TNRC6B: variants seen among roughly 807,000 people sequenced by gnomAD.
TNRC6B encodes the protein trinucleotide repeat containing adaptor 6B.
TNRC6B carries 52 observed loss-of-function variants against 203.6 expected under a neutral mutation model. The ratio of observed to expected loss-of-function variants is 0.26; its 90% CI spans 0.20 to 0.32. The LOEUF (loss-of-function observed/expected upper bound fraction) is 0.32, where lower values mean the gene tolerates loss of function less well. Among genes scored for constraint, TNRC6B ranks in the 10% least tolerant of loss-of-function variants. The pLI is 1.00. For synonymous variants in TNRC6B, 838 were observed against 845.7 expected (o/e 0.99, Z 0.16); for missense variants, 1,923 against 2,286.2 (o/e 0.84, Z 3.24).
intron 21 of TNRC6B, among the ~76,000 whole-genome samples, chr22:40,316,825 T>G (rs555148942): frequency 6.6e-6 from 1 of 152,270 alleles, no homozygotes; most frequent in South Asian, 2.1e-4. Flanking sequence ...ACATACAGTT[T>G]ACAAAAGTGA....
At chr22:40,152,396 G>A (rs1396368649) in intron 3 of TNRC6B, among the ~76,000 whole-genome samples, 2 of 152,148 alleles carry the variant, frequency 1.3e-5, no homozygotes, top group Non-Finnish European at 2.9e-5. Flanking sequence ...GCACGATCTC[G>A]GCTCACTGCA....
At chr22:40,194,637 T>C (rs745857723) in intron 1 of TNRC6B, among the ~76,000 whole-genome samples, 11 of 152,198 alleles carry the variant, frequency 7.2e-5, no homozygotes, top group Non-Finnish European at 1.2e-4. Context: ...TTGCACATGC[T>C]TGAATGTCCT....
At chr22:40,220,101 G>A (rs758632294) in intron 1 of TNRC6B, among the ~76,000 whole-genome samples, 35 of 152,210 alleles carry the variant, frequency 2.3e-4, no homozygotes, top group Non-Finnish European at 4.7e-4. Flanking sequence ...AATCGCTGCG[G>A]TAGTAGGTGG....
chr22:40,321,890 G>A (rs534120875), intron 22 of TNRC6B: 3 of 152,432 alleles, frequency 2.0e-5, no homozygotes, highest in Admixed American at 6.5e-5. Context: ...TTGTGGTCTT[G>A]GGGGGTAGCA....
Position 40,239,308 on chromosome 22 carries a change from C to A in TNRC6B, c.6-6707C>A, listed in dbSNP as rs151042390. Among the ~76,000 whole-genome samples, 21 of 152,334 alleles carry A rather than the reference C, an allele frequency of 1.4e-4. No homozygotes were observed. The East Asian group carries it at 3.9e-3, about 28-fold the overall frequency. On this transcript the variant is annotated intron_variant, in intron 1 of 22. Coordinates refer to ENST00000454349, the MANE Select transcript of TNRC6B (RefSeq NM_001162501.2). Reference sequence around the variant, plus strand: ...TAGAAGAGAGCCAAGTCAGTCTGTGCCTTCCGGTCTGTGCCTGTTACCACC... The same window carrying A: ...TAGAAGAGAGCCAAGTCAGTCTGTGACTTCCGGTCTGTGCCTGTTACCACC...
chr22:40,151,212 A>G (rs2068749572), intron 3 of TNRC6B, among the ~76,000 whole-genome samples: 1 of 151,566 alleles, frequency 6.6e-6, no homozygotes, highest in South Asian at 2.1e-4. Context: ...TGGAAGTTGC[A>G]GTGAGCCGAG....
chr22:40,231,765 A>T (rs990876766), intron 1 of TNRC6B, among the ~76,000 whole-genome samples: 3 of 152,182 alleles, frequency 2.0e-5, no homozygotes, highest in Admixed American at 1.3e-4. Flanking sequence ...TTGTTGATGA[A>T]ATTAGAGTGC....
Position 40,264,762 on chromosome 22 carries a change from G to T in TNRC6B, c.532G>T (p.Gly178Cys). 1 of 1,611,818 alleles carries T rather than the reference G, an allele frequency of 6.2e-7. No homozygotes were observed. The highest frequency in any genetic ancestry group is 1.1e-5 in the South Asian group (1 of 90,716). The stretch of plus-strand genomic sequence containing the variant: ...GGGCTCGGGAGCCTCCTCCAACAAC[G>T]GCACCTCCCCCAACCCAATTCACAT... ...TWGSGASSNN[G>C]TSPNPIHIWD... The change falls in exon 5 of 23, where the codon GGC (glycine) becomes TGC (cysteine). Residue 178 changes from glycine (G) to cysteine (C), a missense_variant. This residue lies in a region of TNRC6B where 614 missense variants were observed against 587.7 expected (regional missense o/e 1.04). Coordinates refer to ENST00000454349, the MANE Select transcript of TNRC6B (RefSeq NM_001162501.2).
At chr22:40,056,449 CAG>C in intron 1 of TNRC6B, among the ~76,000 whole-genome samples, 1 of 152,182 alleles carries the variant, frequency 6.6e-6, no homozygotes, top group African/African-American at 2.4e-5. Flanking sequence ...AGAGAAAGGA[CAG>C]AGAAAAATGG....
intron 1 of TNRC6B, among the ~76,000 whole-genome samples, chr22:40,240,795 A>G (rs6001848): frequency 0.32 from 49,269 of 151,998 alleles, 8,396 homozygotes; most frequent in South Asian, 0.45. Context: ...TGGCATTTGC[A>G]TTTGTTGCTG....
At chr22:40,301,789 A>G (rs1339658327) in intron 15 of TNRC6B, among the ~76,000 whole-genome samples, 1 of 152,146 alleles carries the variant, frequency 6.6e-6, no homozygotes, top group East Asian at 1.9e-4. Context: ...GCATCCCCTA[A>G]TCTAAAAATC....
At chr22:40,051,446 A>G (rs947641747) in intron 1 of TNRC6B, among the ~76,000 whole-genome samples, 15 of 152,170 alleles carry the variant, frequency 9.9e-5, no homozygotes, top group African/African-American at 2.9e-4. Flanking sequence ...TGGGGCTTCT[A>G]AAGACGTTGT....
chr22:40,304,950 T>A (rs1024060574), intron 15 of TNRC6B, among the ~76,000 whole-genome samples: 19 of 152,180 alleles, frequency 1.2e-4, no homozygotes, highest in African/African-American at 4.6e-4. Flanking sequence ...GGTGATTTTT[T>A]AAAAATAATT....
intron 3 of TNRC6B, among the ~76,000 whole-genome samples, chr22:40,131,027 G>T (rs2068539149): frequency 6.6e-6 from 1 of 151,370 alleles, no homozygotes; most frequent in Non-Finnish European, 1.5e-5. Context: ...TCAGCCTCCC[G>T]AGTAGCTGGG....
chr22:40,125,340 C>G (rs1465983401), intron 2 of TNRC6B, among the ~76,000 whole-genome samples: 1 of 152,080 alleles, frequency 6.6e-6, no homozygotes, highest in Non-Finnish European at 1.5e-5. Flanking sequence ...GCCCGGGAAA[C>G]CCTGCCAATT....
rs1425449189 is a variant in TNRC6B, at chr22:40,322,931, A to C, written c.5192A>C (p.Gln1731Pro). ...DEVSRFLAQAQPPTPAATPSA... is the reference protein window; with the variant it reads ...DEVSRFLAQAPPPTPAATPSA... ...GTCAGCCGCTTTCTGGCACAAGCTCAGCCCCCTACACCTGCAGCAACCCCA... is the reference window on the plus strand; with the variant it reads ...GTCAGCCGCTTTCTGGCACAAGCTCCGCCCCCTACACCTGCAGCAACCCCA... Residue 1731 changes from glutamine (Q) to proline (P), a missense_variant, in exon 23 of 23, where the codon CAG (glutamine) becomes CCG (proline). This residue lies in a region of TNRC6B where 126 missense variants were observed against 137.5 expected (regional missense o/e 0.92). Coordinates refer to ENST00000454349, the MANE Select transcript of TNRC6B (RefSeq NM_001162501.2). 6.2e-7 allele frequency: 1 copy of C among 1,613,830 alleles called. No individual in the cohort carries two copies. The highest frequency in any genetic ancestry group is 8.5e-7 in the Non-Finnish European group (1 of 1,179,806).
chr22:40,217,358 T>C (rs2069648972), intron 1 of TNRC6B, among the ~76,000 whole-genome samples: 1 of 152,150 alleles, frequency 6.6e-6, no homozygotes, highest in South Asian at 2.1e-4. Flanking sequence ...GCCCAGTTTC[T>C]TTTCCCATAA....
At chr22:40,110,063 A>G (rs1019077150) in intron 1 of TNRC6B, among the ~76,000 whole-genome samples, 3 of 152,242 alleles carry the variant, frequency 2.0e-5, no homozygotes, top group African/African-American at 2.4e-5. Context: ...TAAAATCAAT[A>G]TGCAATATAG....
intron 1 of TNRC6B, among the ~76,000 whole-genome samples, chr22:40,059,697 A>T (rs1447101876): frequency 1.3e-5 from 2 of 151,948 alleles, no homozygotes; most frequent in African/African-American, 4.8e-5. Context: ...TTTAAAATAT[A>T]TTAAAATATG....
Sources: allele counts gnomAD v4.1 joint callset (sites outside exome capture counted in the v4.1 genomes callset), GRCh38; gene constraint gnomAD v4.1.1; regional missense constraint gnomAD v4.1.1; transcripts MANE v1.5; gene names NCBI Gene and HGNC (gene_info 2026-07-23, HGNC 2026-07-21).